The following CEP83 variants were observed in gnomAD, a reference collection of about 807,000 sequenced individuals.
CEP83 encodes the protein centrosomal protein of 83 kDa.
Under a neutral mutation model 101.9 loss-of-function variants are expected in CEP83, and 70 were observed. The ratio of observed to expected loss-of-function variants is 0.69; its 90% CI spans 0.57 to 0.84. The LOEUF is 0.84. Among genes scored for constraint, CEP83 ranks in the 40% least tolerant of loss-of-function variants. CEP83 has a pLI of 0.00. For synonymous variants in CEP83, 264 were observed against 267.9 expected (o/e 0.99, Z 0.14); for missense variants, 715 against 787.2 (o/e 0.91, Z 1.10).
the CEP83 span, among the ~76,000 whole-genome samples, chr12:94,276,504 G>A: frequency 2.0e-5 from 3 of 152,152 alleles, no homozygotes; most frequent in African/African-American, 4.8e-5. Flanking sequence ...GTGGTAAAGC[G>A]GGGATGGCAT....
intron 8 of CEP83, among the ~76,000 whole-genome samples, chr12:94,370,306 C>T (rs1256102738): frequency 2.6e-5 from 4 of 152,178 alleles, no homozygotes; most frequent in Non-Finnish European, 5.9e-5. Flanking sequence ...GACTTAATTA[C>T]AAGTATCTAA....
Position 94,307,820 on chromosome 12 carries a change from G to A in CEP83, c.*993C>T, listed in dbSNP as rs747227136. On this transcript the variant is annotated 3_prime_UTR_variant, in exon 17 of 17. Coordinates refer to ENST00000397809, the MANE Select transcript of CEP83 (RefSeq NM_016122.3). The stretch of plus-strand genomic sequence containing the variant: ...ATTATGTAGTAAGTAAACCTAGTTT[G>A]CTAAATGGTGCTAAGGACTGCTCAA... 1 of 151,920 alleles carries A rather than the reference G, an allele frequency of 6.6e-6. No homozygotes were observed. The highest frequency in any genetic ancestry group is 1.5e-5 in the Non-Finnish European group (1 of 67,996). The allele number at this position is 151,920 out of a possible 1,614,324, so 9.4% of individuals were successfully genotyped here.
the CEP83 span, among the ~76,000 whole-genome samples, chr12:94,268,592 T>TC: frequency 7.6e-6 from 1 of 132,094 alleles, no homozygotes; most frequent in East Asian, 2.2e-4. Flanking sequence ...TAAGACCTTT[T>TC]TTTTTTTTTT....
intron 11 of CEP83, among the ~76,000 whole-genome samples, chr12:94,347,509 T>TA (rs1182809874): frequency 1.3e-5 from 2 of 152,208 alleles, no homozygotes; most frequent in African/African-American, 4.8e-5. Flanking sequence ...CTGTATGTTA[T>TA]AAAATTAAAT....
At chr12:94,415,586 C>A (rs190644412) in intron 2 of CEP83, among the ~76,000 whole-genome samples, 1,647 of 151,960 alleles carry the variant, frequency 0.011, 12 homozygotes, top group Non-Finnish European at 0.015. Flanking sequence ...AGGCAAAAAA[C>A]CCCCACTATT....
the CEP83 span, among the ~76,000 whole-genome samples, chr12:94,299,673 C>T: frequency 6.6e-6 from 1 of 152,142 alleles, no homozygotes; most frequent in Non-Finnish European, 1.5e-5. Flanking sequence ...AATTCTCCCA[C>T]CTCAGCTTCC....
At chr12:94,274,359 G>T in the CEP83 span, among the ~76,000 whole-genome samples, 1 of 151,796 alleles carries the variant, frequency 6.6e-6, no homozygotes, top group South Asian at 2.1e-4. Context: ...GAAAACCCTT[G>T]GTTTTATGTG....
rs141122817 is a variant in CEP83, at chr12:94,449,369, C to T, written c.-155+10188G>A. ...ATTTAAAGCAGTAAGAGCAAGATCACGAGCAACCAACAGACTAATATCCCT... is the reference window on the plus strand; with the variant it reads ...ATTTAAAGCAGTAAGAGCAAGATCATGAGCAACCAACAGACTAATATCCCT... On this transcript the variant is annotated intron_variant, in intron 1 of 16. Transcript: ENST00000397809. Among the ~76,000 whole-genome samples, 214 of 152,236 alleles carry T rather than the reference C, an allele frequency of 1.4e-3. 1 individual carries two copies. In the East Asian group the frequency reaches 0.037, roughly 26 times the overall value.
chr12:94,424,704 G>A, intron 2 of CEP83: 1 of 1,609,536 alleles, frequency 6.2e-7, no homozygotes, highest in South Asian at 1.1e-5. Flanking sequence ...GTCTTGTCCA[G>A]TACGGCCTTA....
intron 1 of CEP83, among the ~76,000 whole-genome samples, chr12:94,444,358 A>G (rs2138438903): frequency 6.6e-6 from 1 of 152,340 alleles, no homozygotes; most frequent in Middle Eastern, 3.4e-3. Flanking sequence ...AGATCAGGCC[A>G]TTGTACTCCA....
downstream of CEP83, chr12:94,304,209 C>T (rs1968773198): frequency 1.7e-6 from 1 of 574,284 alleles, no homozygotes; most frequent in Non-Finnish European, 3.1e-6. Context: ...CTGAGCCAGA[C>T]CCTGTACATG....
intron 1 of CEP83, among the ~76,000 whole-genome samples, chr12:94,442,115 T>C (rs2066455763): frequency 3.4e-5 from 5 of 148,278 alleles, no homozygotes; most frequent in African/African-American, 9.9e-5. Flanking sequence ...ATAAAGAAAA[T>C]GTGGTAGGTA....
chr12:94,458,478 C>A (rs1176534747), intron 1 of CEP83, among the ~76,000 whole-genome samples: 5 of 152,144 alleles, frequency 3.3e-5, no homozygotes, highest in Non-Finnish European at 7.3e-5. Context: ...GTGGCTCACA[C>A]CTGTAATCCC....
At chr12:94,379,593 T>TAA (rs1396380390) in intron 6 of CEP83, among the ~76,000 whole-genome samples, 1 of 152,200 alleles carries the variant, frequency 6.6e-6, no homozygotes, top group African/African-American at 2.4e-5. Context: ...TCTTAGTTCT[T>TAA]AGATTCAAGA....
chr12:94,278,640 C>T, the CEP83 span, among the ~76,000 whole-genome samples: 11 of 152,148 alleles, frequency 7.2e-5, no homozygotes, highest in African/African-American at 2.7e-4. Flanking sequence ...AACCATCTGA[C>T]TGAGGATGTT....
intron 2 of CEP83, among the ~76,000 whole-genome samples, chr12:94,416,048 T>C (rs73370372): frequency 0.16 from 24,431 of 151,818 alleles, 2,199 homozygotes; most frequent in African/African-American, 0.25. Flanking sequence ...CAAAAAATAA[T>C]CAGAAAAGCC....
chr12:94,380,238 G>A (rs1488242905), intron 6 of CEP83, among the ~76,000 whole-genome samples: 1 of 152,126 alleles, frequency 6.6e-6, no homozygotes, highest in Non-Finnish European at 1.5e-5. Context: ...CTCCACACCT[G>A]TAAAATGGGA....
At chr12:94,294,456 C>A in the CEP83 span, 679,626 of 989,000 alleles carry the variant, frequency 0.69, 239,092 homozygotes, top group East Asian at 0.98. Context: ...AAATTTTGAA[C>A]ACTCATATAT....
rs1225591201 is a variant in CEP83, at chr12:94,376,688, T to TAC, written c.802-672_802-671insGT. ...CTATTCAACATAATATATATACATATATACACACACACACACACACACACA... is the reference window on the plus strand; with the variant it reads ...CTATTCAACATAATATATATACATATACATACACACACACACACACACACACA... On this transcript the variant is annotated intron_variant, in intron 7 of 16. Coordinates refer to ENST00000397809, the MANE Select transcript of CEP83 (RefSeq NM_016122.3). Among the ~76,000 whole-genome samples the TAC allele has an allele frequency of 3.6e-3, 317 of 87,490 alleles. 2 individuals are homozygous for TAC. Among genetic ancestry groups the TAC allele is most frequent in the African/African-American group, 0.013 (260 of 20,168 alleles). 57.4% of individuals were successfully genotyped at this position (87,490 alleles called of 152,430 possible). A position where few individuals can be genotyped will look rare whatever the true frequency, so the allele number is the denominator to read the frequency against.
Sources: gnomAD v4.1 joint callset for allele counts (sites outside exome capture counted in the v4.1 genomes callset) on GRCh38, gnomAD v4.1.1 for gene constraint, MANE v1.5 for transcripts, NCBI Gene and HGNC (gene_info 2026-07-23, HGNC 2026-07-21) for gene names.